The following BTRC variants were observed in gnomAD, a reference collection of about 807,000 sequenced individuals.
BTRC encodes the protein beta-transducin repeat containing E3 ubiquitin protein ligase, also known as F-box/WD repeat-containing protein 1A.
BTRC carries 42 observed loss-of-function variants against 85.5 expected under a neutral mutation model. That is an observed-to-expected ratio of 0.49 (90% CI 0.38 to 0.64). The LOEUF is 0.64. BTRC is among the 30% of genes least tolerant of loss of function. The pLI, the probability that BTRC is intolerant of heterozygous loss-of-function variation, is 0.00. For missense variants in BTRC, 594 were observed against 743.5 expected, an observed-to-expected ratio of 0.80 and a Z score of 2.34; for synonymous variants, 255 against 263.3, an observed-to-expected ratio of 0.97 and a Z score of 0.30.
Position 101,462,029 on chromosome 10 carries a change from A to G in BTRC, c.205A>G (p.Ile69Val), listed in dbSNP as rs1449413413. Residue 69 changes from isoleucine (I) to valine (V), a missense_variant, in exon 3 of 15, where the codon ATA (isoleucine) becomes GTA (valine). Coordinates refer to ENST00000370187, the MANE Select transcript of BTRC (RefSeq NM_033637.4). The stretch of plus-strand genomic sequence containing the variant: ...TAATAATGGCGAACCCCCTAGGAAG[A>G]TAATACCAGAGAAGAATTCACTTAG... The part of the protein sequence containing the change: ...DCNNGEPPRK[I>V]IPEKNSLRQT... 1 of 1,612,274 alleles carries G rather than the reference A, an allele frequency of 6.2e-7. No individual in the cohort carries two copies. The highest frequency in any genetic ancestry group is 1.1e-5 in the South Asian group (1 of 90,986).
chr10:101,361,870 A>G (rs1942217483), intron 1 of BTRC, among the ~76,000 whole-genome samples: 1 of 152,186 alleles, frequency 6.6e-6, no homozygotes, highest in South Asian at 2.1e-4. Flanking sequence ...TATGTGGCCA[A>G]GGTGGGGATT....
chr10:101,494,286 G>A (rs1045142686), intron 4 of BTRC, among the ~76,000 whole-genome samples: 3 of 152,128 alleles, frequency 2.0e-5, no homozygotes, highest in African/African-American at 7.2e-5. Flanking sequence ...ACTGTCTTTG[G>A]CAGAAGAGTG....
intron 4 of BTRC, among the ~76,000 whole-genome samples, chr10:101,498,906 T>A (rs1420062762): frequency 1.3e-5 from 2 of 151,730 alleles, no homozygotes; most frequent in Non-Finnish European, 2.9e-5. Flanking sequence ...GGCAGGAGAA[T>A]CACTTAAACC....
At chr10:101,496,005 AG>A (rs1564807245) in intron 4 of BTRC, among the ~76,000 whole-genome samples, 4 of 44,534 alleles carry the variant, frequency 9.0e-5, no homozygotes, top group African/African-American at 1.3e-4. Flanking sequence ...GGAATCATAT[AG>A]TATTTTTTTT....
intron 3 of BTRC, among the ~76,000 whole-genome samples, chr10:101,465,377 G>C (rs1945347050): frequency 6.6e-6 from 1 of 152,190 alleles, no homozygotes; most frequent in East Asian, 1.9e-4. Context: ...CATAACTACT[G>C]CATGTTAATT....
chr10:101,430,234 T>C, intron 1 of BTRC, 111 bp from the exon 2 acceptor site: 2 of 591,840 alleles, frequency 3.4e-6, no homozygotes, highest in Non-Finnish European at 5.7e-6. Flanking sequence ...GTTTCTATCA[T>C]AAAGGTCAGC....
chr10:101,463,933 T>A (rs1013105967), intron 3 of BTRC, among the ~76,000 whole-genome samples: 51 of 129,574 alleles, frequency 3.9e-4, no homozygotes, highest in African/African-American at 1.5e-3. Flanking sequence ...TAGAATTGAA[T>A]CATCCAGGAA....
intron 1 of BTRC, among the ~76,000 whole-genome samples, chr10:101,373,782 G>C (rs1942708235): frequency 6.6e-6 from 1 of 152,052 alleles, no homozygotes; most frequent in South Asian, 2.1e-4. Flanking sequence ...GCCAGGCATG[G>C]TGGTGGGCGC....
At chr10:101,389,336 C>T (rs1943177761) in intron 1 of BTRC, among the ~76,000 whole-genome samples, 1 of 151,794 alleles carries the variant, frequency 6.6e-6, no homozygotes, top group Non-Finnish European at 1.5e-5. Flanking sequence ...TATCAACTTA[C>T]TTTGGGTTAT....
intron 4 of BTRC, among the ~76,000 whole-genome samples, chr10:101,506,775 T>C (rs182701452): frequency 2.0e-3 from 312 of 152,352 alleles, no homozygotes; most frequent in South Asian, 3.3e-3. Flanking sequence ...AGTTTACTTA[T>C]TTCCTAGCTA....
chr10:101,473,772 A>AT (rs1294851593), intron 3 of BTRC, among the ~76,000 whole-genome samples: 8 of 149,140 alleles, frequency 5.4e-5, no homozygotes, highest in Non-Finnish European at 6.0e-5. Flanking sequence ...AATTTTTTCT[A>AT]TTTTTTGTAG....
chr10:101,389,115 GTGT>G (rs1187112874), intron 1 of BTRC, among the ~76,000 whole-genome samples: 3 of 35,460 alleles, frequency 8.5e-5, no homozygotes, highest in Non-Finnish European at 1.5e-4. Context: ...GATTTTTTGT[GTGT>G]GTTTTTTTTT....
chr10:101,479,115 C>G (rs1050263155), intron 3 of BTRC, among the ~76,000 whole-genome samples: 2 of 152,142 alleles, frequency 1.3e-5, no homozygotes, highest in Admixed American at 1.3e-4. Context: ...AATCAGTACC[C>G]CCAGCTTCCA....
At chr10:101,431,511 A>C (rs1289759975) in intron 2 of BTRC, among the ~76,000 whole-genome samples, 1 of 152,210 alleles carries the variant, frequency 6.6e-6, no homozygotes, top group African/African-American at 2.4e-5. Flanking sequence ...AGGGTACCAT[A>C]CATGATTGTT....
chr10:101,508,074 A>G (rs981075327), intron 4 of BTRC, among the ~76,000 whole-genome samples: 3 of 152,210 alleles, frequency 2.0e-5, no homozygotes, highest in Non-Finnish European at 4.4e-5. Context: ...GAAACCTAAA[A>G]ATGTTAAATG....
intron 1 of BTRC, among the ~76,000 whole-genome samples, chr10:101,377,081 C>T (rs575880402): frequency 3.3e-5 from 5 of 152,280 alleles, no homozygotes; most frequent in South Asian, 4.1e-4. Context: ...ACTCTTCCTC[C>T]ACCTCTAACC....
chr10:101,371,572 G>A (rs190515603), intron 1 of BTRC, among the ~76,000 whole-genome samples: 175 of 152,236 alleles, frequency 1.1e-3, no homozygotes, highest in African/African-American at 4.0e-3. Context: ...TATTTTACTT[G>A]ATGTCCTCAG....
At chr10:101,431,070 C>CTTTTTTTTTTTTTTTT (rs748703752) in intron 2 of BTRC, among the ~76,000 whole-genome samples, 1 of 71,290 alleles carries the variant, frequency 1.4e-5, no homozygotes, top group African/African-American at 5.7e-5. Flanking sequence ...CTCAGCCTTT[C>CTTTTTTTTTTTTTTTT]TTTTTTTTTT....
intron 4 of BTRC, among the ~76,000 whole-genome samples, chr10:101,509,573 G>C (rs917504422): frequency 2.2e-5 from 3 of 136,226 alleles, no homozygotes; most frequent in African/African-American, 8.5e-5. Flanking sequence ...TTTTTTTTGA[G>C]ACAAGGTCTC....
Sources: gnomAD v4.1 joint callset for allele counts (sites outside exome capture counted in the v4.1 genomes callset) on GRCh38, gnomAD v4.1.1 for gene constraint, MANE v1.5 for transcripts, NCBI Gene and HGNC (gene_info 2026-07-23, HGNC 2026-07-21) for gene names.